Variants in CCDC7 observed in about 807,000 individuals in gnomAD.
CCDC7 encodes the protein coiled-coil domain containing 7.
In CCDC7, 183 loss-of-function variants were observed where a neutral mutation model predicts 196.9. The observed-to-expected ratio is 0.93, with a 90% confidence interval of 0.82 to 1.05. The LOEUF (loss-of-function observed/expected upper bound fraction) is 1.05. Ranked by LOEUF, CCDC7 falls within the 50% of genes least tolerant of loss-of-function variation. The pLI is 0.00. For synonymous variants in CCDC7, 525 were observed against 484.6 expected (o/e 1.08, Z -1.10); for missense variants, 1,540 against 1,482.2 (o/e 1.04, Z -0.64).
intron 18 of CCDC7, among the ~76,000 whole-genome samples, chr10:32,587,199 G>T (rs886314863): frequency 7.2e-5 from 11 of 152,108 alleles, no homozygotes; most frequent in African/African-American, 2.7e-4. Context: ...AACTCATTAA[G>T]CAATAACTCT....
At chr10:32,493,747 T>G (rs2042488666) in intron 9 of CCDC7, among the ~76,000 whole-genome samples, 1 of 152,164 alleles carries the variant, frequency 6.6e-6, no homozygotes, top group Non-Finnish European at 1.5e-5. Context: ...ATAACAGATG[T>G]GAGGTAATAT....
chr10:32,638,152 G>T (rs748256331), intron 20 of CCDC7, among the ~76,000 whole-genome samples: 1 of 152,136 alleles, frequency 6.6e-6, no homozygotes, highest in African/African-American at 2.4e-5. Context: ...GGGTTTTCTA[G>T]ATATACAATC....
chr10:32,492,004 T>C lies in CCDC7; in HGVS notation c.872+7T>C. The stretch of plus-strand genomic sequence containing the variant: ...AGGCAAATATGTTGGAGAGGTAAGC[T>C]TTTTTGTTTTTGCATTTTATTATTT... On this transcript the variant is annotated splice_region_variant and intron_variant, in intron 9 of 41. Coordinates refer to ENST00000639629, the Ensembl canonical transcript of CCDC7. 6.6e-7 allele frequency: 1 copy of C among 1,526,458 alleles called. No individual in the cohort carries two copies. The highest frequency in any genetic ancestry group is 8.7e-7 in the Non-Finnish European group (1 of 1,145,086). The allele number at this position is 1,526,458 out of a possible 1,614,324, so 94.6% of individuals were successfully genotyped here.
chr10:32,679,723 G>A (rs540081524), intron 21 of CCDC7, among the ~76,000 whole-genome samples: 4 of 152,204 alleles, frequency 2.6e-5, no homozygotes, highest in Admixed American at 2.6e-4. Flanking sequence ...TCCTATTTGG[G>A]GGGTTGCATG....
In CCDC7 at chr10:32,613,908, G is replaced by A. The variant is rs369649689; in HGVS notation, c.1802-20346G>A. 3.5e-4 allele frequency among the ~76,000 whole-genome samples: 54 copies of A among 152,220 alleles called. No homozygotes were observed. In the East Asian group the frequency reaches 6.9e-3, roughly 20 times the overall value. ...GAAGAGTTCTGTAGATGTTTATTAG[G>A]TCTGCTTCTGTAGATGTTTATTAGG... On this transcript the variant is annotated intron_variant, in intron 18 of 41. Coordinates refer to ENST00000639629, the Ensembl canonical transcript of CCDC7.
chr10:32,511,381 A>G lies in CCDC7; in HGVS notation c.873-6564A>G, dbSNP rs545959806. 15 of 1,607,918 alleles carry G rather than the reference A, an allele frequency of 9.3e-6. No individual in the cohort carries two copies. In the African/African-American group the frequency reaches 1.2e-4, roughly 13 times the overall value. On this transcript the variant is annotated intron_variant, in intron 9 of 41. Coordinates refer to ENST00000639629, the Ensembl canonical transcript of CCDC7. ...TTTTCGGTTTTGGTTCCCAGAGGGC[A>G]TTTTTTACAAATCTTGAAGCTGCAC...
rs973094721 is a variant in CCDC7, at chr10:32,882,384, A to T, written c.*2358-309A>T. 1.6e-4 allele frequency among the ~76,000 whole-genome samples: 25 copies of T among 152,240 alleles called. No individual in the cohort carries two copies. In the South Asian group the frequency reaches 2.5e-3, roughly 15 times the overall value. On this transcript the variant is annotated intron_variant and NMD_transcript_variant, in intron 22 of 22. Transcript: ENST00000375025. ...ATTCTCGCTAAACTGACTTAGTAGG[A>T]TTTTTGCTTAAGGCAGGCCAAGGAT...
At chr10:32,707,582 A>G (rs1215778084) in intron 24 of CCDC7, among the ~76,000 whole-genome samples, 1 of 152,238 alleles carries the variant, frequency 6.6e-6, no homozygotes, top group Non-Finnish European at 1.5e-5. Context: ...CCATCGTCTC[A>G]GCCCAAAATC....
chr10:32,823,673 A>T (rs549647854), intron 31 of CCDC7, among the ~76,000 whole-genome samples: 7 of 152,340 alleles, frequency 4.6e-5, no homozygotes, highest in African/African-American at 1.7e-4. Context: ...CAGGTTTAAT[A>T]AACCAGGTTT....
At chr10:32,567,010 G>A (rs2056914737) in intron 14 of CCDC7, among the ~76,000 whole-genome samples, 1 of 135,662 alleles carries the variant, frequency 7.4e-6, no homozygotes, top group Non-Finnish European at 1.6e-5. Flanking sequence ...ATATCTTTGT[G>A]TAATTTCCCT....
At chr10:32,556,091 A>G (rs1257750281) in intron 13 of CCDC7, among the ~76,000 whole-genome samples, 1 of 152,212 alleles carries the variant, frequency 6.6e-6, no homozygotes, top group Admixed American at 6.5e-5. Context: ...CTGAGTTTCA[A>G]GAAGTGAGGA....
chr10:32,725,369 G>A (rs939165628), intron 25 of CCDC7: 2 of 470,764 alleles, frequency 4.2e-6, no homozygotes, highest in African/African-American at 2.0e-5. Flanking sequence ...CAACACTCTT[G>A]CCCAAGACTG....
chr10:32,822,588 AATATGT>A (rs2090441977), intron 31 of CCDC7, among the ~76,000 whole-genome samples: 1 of 152,172 alleles, frequency 6.6e-6, no homozygotes, highest in South Asian at 2.1e-4. Flanking sequence ...TTACAGGTAT[AATATGT>A]ATAACAGTAG....
chr10:32,866,342 A>G (rs529970892), intron 41 of CCDC7, among the ~76,000 whole-genome samples: 1 of 151,904 alleles, frequency 6.6e-6, no homozygotes, highest in African/African-American at 2.4e-5. Context: ...TACAAAAGAC[A>G]TATCTGATAA....
At chr10:32,826,899 G>A (rs778380080) in intron 32 of CCDC7, among the ~76,000 whole-genome samples, 12 of 152,324 alleles carry the variant, frequency 7.9e-5, no homozygotes, top group African/African-American at 2.2e-4. Context: ...TATTTGATTC[G>A]TGGGTTGGAG....
rs770407353 is a variant in CCDC7, at chr10:32,462,708, G to C, written c.477+5G>C. The stretch of plus-strand genomic sequence containing the variant: ...ATTTTGGAATCTCTTTTTAAGGTAC[G>C]TTCAATATATTACAGCTTAAGCCTA... On this transcript the variant is annotated splice_donor_5th_base_variant and intron_variant, in intron 4 of 41. Transcript: ENST00000639629. The C allele has an allele frequency of 2.1e-6, 3 of 1,457,874 alleles. No individual in the cohort carries two copies. The highest frequency in any genetic ancestry group is 2.8e-6 in the Non-Finnish European group (3 of 1,071,900). The allele number at this position is 1,457,874 out of a possible 1,614,324, so 90.3% of individuals were successfully genotyped here.
intron 29 of CCDC7, among the ~76,000 whole-genome samples, chr10:32,789,274 A>G (rs1265395694): frequency 6.6e-6 from 1 of 152,174 alleles, no homozygotes; most frequent in Non-Finnish European, 1.5e-5. Flanking sequence ...AGATTTATAA[A>G]CTGTCTGACA....
chr10:32,677,334 G>T (rs1157024084), intron 21 of CCDC7, among the ~76,000 whole-genome samples: 3 of 151,380 alleles, frequency 2.0e-5, no homozygotes, highest in Non-Finnish European at 4.4e-5. Context: ...CCTGCACATT[G>T]TGCACATGTA....
chr10:32,767,766 T>G (rs527752356), intron 28 of CCDC7, among the ~76,000 whole-genome samples: 32 of 152,202 alleles, frequency 2.1e-4, no homozygotes, highest in African/African-American at 7.0e-4. Context: ...CCAAACTGAT[T>G]AAATAAGGCA....
Sources: gnomAD v4.1 joint callset for allele counts (sites outside exome capture counted in the v4.1 genomes callset) on GRCh38, gnomAD v4.1.1 for gene constraint, MANE v1.5 for transcripts, NCBI Gene and HGNC (gene_info 2026-07-23, HGNC 2026-07-21) for gene names.